Variants in PARD3B observed in about 807,000 individuals in gnomAD.
PARD3B encodes partitioning defective 3 homolog B.
A neutral mutation model predicts 130.2 loss-of-function variants in PARD3B; 103 were observed. That is an observed-to-expected ratio of 0.79 (90% confidence interval 0.67 to 0.93). PARD3B has a LOEUF of 0.93. PARD3B is among the 40% of genes least tolerant of loss of function. The probability of loss-of-function intolerance (pLI) is 0.00; values close to 1 mark genes in which losing one functional copy is unlikely to be tolerated. For synonymous variants in PARD3B, 583 were observed against 553.2 expected, an observed-to-expected ratio of 1.05 and a Z score of -0.76; for missense variants, 1,609 against 1,499.2, an observed-to-expected ratio of 1.07 and a Z score of -1.21.
At chr2:205,100,977 A>G (rs1702740619) in intron 4 of PARD3B, among the ~76,000 whole-genome samples, 1 of 152,204 alleles carries the variant, frequency 6.6e-6, no homozygotes, top group Admixed American at 6.5e-5. Flanking sequence ...TACAAAAGAA[A>G]AAATAAATAC....
chr2:205,392,038 G>A (rs1363423275), intron 18 of PARD3B, among the ~76,000 whole-genome samples: 1 of 152,056 alleles, frequency 6.6e-6, no homozygotes, highest in African/African-American at 2.4e-5. Flanking sequence ...TTAGTTATTG[G>A]TGATCTGTGC....
intron 4 of PARD3B, among the ~76,000 whole-genome samples, chr2:205,099,156 T>C: frequency 6.6e-6 from 1 of 152,138 alleles, no homozygotes; most frequent in Non-Finnish European, 1.5e-5. Flanking sequence ...TTGAAATAGC[T>C]CTATACCTTG....
At chr2:205,053,206 G>T (rs1474722197) in intron 4 of PARD3B, among the ~76,000 whole-genome samples, 1 of 151,546 alleles carries the variant, frequency 6.6e-6, no homozygotes, top group East Asian at 1.9e-4. Context: ...TATTGCCCCT[G>T]TATTAAACTT....
rs554576303 is a variant in PARD3B, at chr2:204,684,753, C to T, written c.121-1428C>T. 1.6e-3 allele frequency among the ~76,000 whole-genome samples: 244 copies of T among 152,312 alleles called. 1 individual carries two copies. Among genetic ancestry groups the T allele is most frequent in the Non-Finnish European group, 2.9e-3 (196 of 68,024 alleles). On this transcript the variant is annotated intron_variant, in intron 1 of 22. Transcript: ENST00000406610. ...CTGCTTATATCTTTGAGATCTCTAT[C>T]TGTGCCACAGAGTCAGGCATTTAAA...
intron 2 of PARD3B, among the ~76,000 whole-genome samples, chr2:204,699,655 A>G (rs906080785): frequency 6.6e-6 from 1 of 152,116 alleles, no homozygotes; most frequent in African/African-American, 2.4e-5. Context: ...ATGTTACAAT[A>G]AGACAAGCAA....
chr2:205,341,374 A>G lies in PARD3B; in HGVS notation c.2630+39673A>G, dbSNP rs12989722. On this transcript the variant is annotated intron_variant, in intron 18 of 22. Coordinates refer to ENST00000406610, the MANE Select transcript of PARD3B (RefSeq NM_001302769.2). This position sits in a 1 kb window ranked among gnomAD's most constrained non-coding sequence, Gnocchi z 4.3. ...ATTAACAGATGAGTAATTAAAGAAA[A>G]TGTGGTATATATACACAATGGAATA... 6.6e-6 allele frequency among the ~76,000 whole-genome samples: 1 copy of G among 152,100 alleles called. No individual in the cohort carries two copies. Among genetic ancestry groups the G allele is most frequent in the South Asian group, 2.1e-4 (1 of 4,832 alleles).
chr2:204,605,101 C>T (rs1231868601), intron 1 of PARD3B, among the ~76,000 whole-genome samples: 1 of 152,118 alleles, frequency 6.6e-6, no homozygotes, highest in Non-Finnish European at 1.5e-5. Flanking sequence ...AGACAGAGTG[C>T]TTCAAGAGAG....
At chr2:204,735,944 C>T (rs965210424) in intron 2 of PARD3B, among the ~76,000 whole-genome samples, 1 of 152,106 alleles carries the variant, frequency 6.6e-6, no homozygotes, top group Admixed American at 6.5e-5. Context: ...TTTCTACGTG[C>T]TTAAAATGTT....
Position 205,269,067 on chromosome 2 carries a change from A to G in PARD3B, c.2185+23245A>G, listed in dbSNP as rs573819548. Among the ~76,000 whole-genome samples, 11 of 152,258 alleles carry G rather than the reference A, an allele frequency of 7.2e-5. No homozygotes were observed. Among genetic ancestry groups the G allele is most frequent in the African/African-American group, 2.4e-4 (10 of 41,574 alleles). On this transcript the variant is annotated intron_variant, in intron 16 of 22. Coordinates refer to ENST00000406610, the MANE Select transcript of PARD3B (RefSeq NM_001302769.2). The surrounding 1 kb of genome is among the most constrained non-coding windows in gnomAD (Gnocchi z 4.7). Reference sequence around the variant, plus strand: ...TGAGAAAATTGAGGTTTTGAGGCAAATAGTAGGGAACAGAGTCTAGATTTG... The same window carrying G: ...TGAGAAAATTGAGGTTTTGAGGCAAGTAGTAGGGAACAGAGTCTAGATTTG...
At chr2:204,876,194 C>T (rs2045837671) in intron 2 of PARD3B, among the ~76,000 whole-genome samples, 1 of 152,212 alleles carries the variant, frequency 6.6e-6, no homozygotes, top group Admixed American at 6.5e-5. Context: ...TCAGTACTCA[C>T]ATTGAAAACA....
intron 21 of PARD3B, among the ~76,000 whole-genome samples, chr2:205,538,406 A>G (rs1264860978): frequency 3.3e-5 from 5 of 152,178 alleles, no homozygotes; most frequent in Non-Finnish European, 7.4e-5. Flanking sequence ...CTTGGATGCC[A>G]TGCTCAAGAA....
At chr2:204,874,358 C>G (rs1403014450) in intron 2 of PARD3B, among the ~76,000 whole-genome samples, 1 of 152,038 alleles carries the variant, frequency 6.6e-6, no homozygotes, top group Non-Finnish European at 1.5e-5. Flanking sequence ...AGTAAGCACT[C>G]CTGAACAATT....
At chr2:205,481,208 C>T (rs768390619) in intron 20 of PARD3B, among the ~76,000 whole-genome samples, 48 of 151,964 alleles carry the variant, frequency 3.2e-4, no homozygotes, top group Non-Finnish European at 5.7e-4. Flanking sequence ...AAAGGAGGGG[C>T]AAGAATTACT....
chr2:205,343,553 C>G (rs2043625788), intron 18 of PARD3B, among the ~76,000 whole-genome samples: 1 of 152,212 alleles, frequency 6.6e-6, no homozygotes, highest in South Asian at 2.1e-4. Context: ...GTTAAGACAT[C>G]TTGTATTCAT....
intron 2 of PARD3B, among the ~76,000 whole-genome samples, chr2:204,931,049 T>A (rs534366369): frequency 4.7e-4 from 71 of 152,216 alleles, no homozygotes; most frequent in Middle Eastern, 3.4e-3. Flanking sequence ...CTGAAAGCAG[T>A]TCCATTTATT....
chr2:204,638,110 C>T (rs755804516), intron 1 of PARD3B, among the ~76,000 whole-genome samples: 13 of 152,182 alleles, frequency 8.5e-5, no homozygotes, highest in East Asian at 1.9e-4. Flanking sequence ...TCAAACTATG[C>T]GTTTTCTTAT....
chr2:204,897,202 T>C (rs564572390), intron 2 of PARD3B, among the ~76,000 whole-genome samples: 2 of 152,146 alleles, frequency 1.3e-5, no homozygotes, highest in South Asian at 4.1e-4. Context: ...CAGAATATTT[T>C]GATTTGTGAG....
chr2:205,597,000 C>T (rs1048140082), intron 22 of PARD3B, among the ~76,000 whole-genome samples: 1 of 152,032 alleles, frequency 6.6e-6, no homozygotes, highest in African/African-American at 2.4e-5. Context: ...TATCTTTTGA[C>T]TACCTTATCC....
rs2044613739 is a variant in PARD3B at position 205,366,462 on chromosome 2, T to C, written c.2631-34551T>C. 6.6e-6 allele frequency among the ~76,000 whole-genome samples: 1 copy of C among 152,184 alleles called. No individual in the cohort carries two copies. The highest frequency in any genetic ancestry group is 1.5e-5 in the Non-Finnish European group (1 of 68,036). ...CAGCTTATATTTATGAAGTGTCTTT[T>C]TCTGACGAGTTTAAAAGATTCTGTA... On this transcript the variant is annotated intron_variant, in intron 18 of 22. Coordinates refer to ENST00000406610, the MANE Select transcript of PARD3B (RefSeq NM_001302769.2). The surrounding 1 kb of genome is among the most constrained non-coding windows in gnomAD (Gnocchi z 5.0).
Sources: gnomAD v4.1 joint callset for allele counts (sites outside exome capture counted in the v4.1 genomes callset) on GRCh38, gnomAD v4.1.1 for gene constraint, Gnocchi (gnomAD v3.1) non-coding constraint, MANE v1.5 for transcripts, NCBI Gene and HGNC (gene_info 2026-07-23, HGNC 2026-07-21) for gene names.